Variants in CAPZA1 observed in about 807,000 individuals in gnomAD.
The protein encoded by CAPZA1 is F-actin-capping protein subunit alpha-1.
A neutral mutation model predicts 40.8 loss-of-function variants in CAPZA1; 10 were observed. The ratio of observed to expected loss-of-function variants is 0.25; its 90% confidence interval spans 0.15 to 0.42. The LOEUF (loss-of-function observed/expected upper bound fraction) is 0.42. Among genes scored for constraint, CAPZA1 ranks in the 10% least tolerant of loss-of-function variants. The probability of loss-of-function intolerance (pLI) is 1.00; values close to 1 mark genes in which losing one functional copy is unlikely to be tolerated. For missense variants in CAPZA1, 277 were observed against 353.8 expected, an observed-to-expected ratio of 0.78 and a Z score of 1.74; for synonymous variants, 98 against 115.0, an observed-to-expected ratio of 0.85 and a Z score of 0.95.
chr1:112,634,683 TA>T (rs1209134677), intron 1 of CAPZA1: 1 of 152,226 alleles, frequency 6.6e-6, no homozygotes, highest in African/African-American at 2.4e-5. Flanking sequence ...TTGTCTCATT[TA>T]ATCTTTACAA....
At chr1:112,638,063 G>C (rs542731107) in intron 1 of CAPZA1, among the ~76,000 whole-genome samples, 1 of 152,110 alleles carries the variant, frequency 6.6e-6, no homozygotes, top group African/African-American at 2.4e-5. Context: ...AAATAAAGCA[G>C]TAAAAGGGCT....
At chr1:112,626,482 C>T (rs1570699388) in intron 1 of CAPZA1, among the ~76,000 whole-genome samples, 3 of 151,666 alleles carry the variant, frequency 2.0e-5, no homozygotes, top group East Asian at 3.9e-4. Context: ...AGTAAAAAGT[C>T]GCCTCCTGCC....
intron 1 of CAPZA1, among the ~76,000 whole-genome samples, chr1:112,622,040 C>T (rs557810776): frequency 6.6e-6 from 1 of 152,212 alleles, no homozygotes; most frequent in African/African-American, 2.4e-5. Flanking sequence ...GGATTACAGG[C>T]GTGAGCCACC....
In CAPZA1 at chr1:112,619,835, A is replaced by G. The variant is rs762276655; in HGVS notation, c.-10A>G. 2 of 1,612,424 alleles carry G rather than the reference A, an allele frequency of 1.2e-6. No homozygotes were observed. The highest frequency in any genetic ancestry group is 1.3e-5 in the African/African-American group (1 of 74,954). ...GCGCCCGTAGCCGGGCTGGGCCAGA[A>G]CAGCCCAAGATGGCCGACTTCGATG... is the stretch of plus-strand genomic sequence containing the variant. On this transcript the variant is annotated 5_prime_UTR_variant, in exon 1 of 10. Transcript: ENST00000263168.
At chr1:112,653,221 A>G (rs1042330503) in intron 3 of CAPZA1, among the ~76,000 whole-genome samples, 2 of 152,150 alleles carry the variant, frequency 1.3e-5, no homozygotes, top group Non-Finnish European at 2.9e-5. Context: ...AGTCCCAGCT[A>G]CTCAGGAAAC....
At chr1:112,649,049 AT>A (rs971532717) in intron 2 of CAPZA1, among the ~76,000 whole-genome samples, 1 of 152,104 alleles carries the variant, frequency 6.6e-6, no homozygotes, top group African/African-American at 2.4e-5. Context: ...AAGGTTAAGA[AT>A]TTCACTCTTA....
At chr1:112,653,433 A>T (rs1671437197) in intron 3 of CAPZA1, among the ~76,000 whole-genome samples, 165 bp from the exon 4 acceptor site, 1 of 152,206 alleles carries the variant, frequency 6.6e-6, no homozygotes, top group Admixed American at 6.5e-5. Flanking sequence ...GCTGGAAGGC[A>T]TTATGTTAAC....
chr1:112,664,132 T>C (rs1671675081), intron 7 of CAPZA1, among the ~76,000 whole-genome samples: 1 of 149,556 alleles, frequency 6.7e-6, no homozygotes, highest in Non-Finnish European at 1.5e-5. Flanking sequence ...CGTGGGAGGC[T>C]GAGGCAGGAG....
chr1:112,623,290 T>G (rs1347803782), intron 1 of CAPZA1, among the ~76,000 whole-genome samples: 1 of 152,228 alleles, frequency 6.6e-6, no homozygotes, highest in Non-Finnish European at 1.5e-5. Flanking sequence ...GGTGTGGCTG[T>G]TTTCTAACAA....
intron 2 of CAPZA1, among the ~76,000 whole-genome samples, chr1:112,648,172 T>C (rs948932608): frequency 6.6e-6 from 1 of 152,118 alleles, no homozygotes; most frequent in Non-Finnish European, 1.5e-5. Flanking sequence ...CATAAACATT[T>C]GCTTCAGGGA....
rs67876993 is a variant in CAPZA1, at chr1:112,660,838, CTT to C, written c.585+1083_585+1084del. 7.1e-3 allele frequency among the ~76,000 whole-genome samples: 470 copies of C among 66,008 alleles called. 1 individual carries two copies. The highest frequency in any genetic ancestry group is 0.025 in the African/African-American group (363 of 14,698). The allele number at this position is 66,008 out of a possible 152,430, so 43.3% of individuals were successfully genotyped here. On this transcript the variant is annotated intron_variant, in intron 7 of 9. Transcript: ENST00000263168. ...TTTAACAACAATTACCAAGAGTTGT[CTT>C]TTTTTTTTTTTTTTTTTTTTTTTGA...
chr1:112,645,319 A>T (rs1479703119), intron 1 of CAPZA1, among the ~76,000 whole-genome samples: 1 of 152,220 alleles, frequency 6.6e-6, no homozygotes, highest in East Asian at 1.9e-4. Context: ...AATCAGTAGA[A>T]CAAGACTTTA....
At chr1:112,654,201 A>T (rs1261840265) in intron 4 of CAPZA1, among the ~76,000 whole-genome samples, 1 of 152,226 alleles carries the variant, frequency 6.6e-6, no homozygotes, top group African/African-American at 2.4e-5. Flanking sequence ...CTATGTATAA[A>T]GTACATATAT....
chr1:112,664,082 AT>A (rs1455913975), intron 7 of CAPZA1, among the ~76,000 whole-genome samples: 1 of 151,996 alleles, frequency 6.6e-6, no homozygotes, highest in Admixed American at 6.5e-5. Context: ...AAATACAAAA[AT>A]TAGCTGGCCA....
intron 1 of CAPZA1, among the ~76,000 whole-genome samples, chr1:112,629,574 A>G (rs1670880469): frequency 6.6e-6 from 1 of 152,182 alleles, no homozygotes; most frequent in Non-Finnish European, 1.5e-5. Context: ...GTTAACTCTC[A>G]TAGGGCAGTC....
At chr1:112,669,480 A>G (rs1474617249) in intron 8 of CAPZA1, 63 bp from the exon 9 acceptor site, 1 of 1,117,386 alleles carries the variant, frequency 8.9e-7, no homozygotes, top group Non-Finnish European at 1.4e-6. Context: ...ACTTACTTTC[A>G]GGATCTTACT....
chr1:112,623,898 C>A (rs1425241495), intron 1 of CAPZA1, among the ~76,000 whole-genome samples: 4 of 146,720 alleles, frequency 2.7e-5, no homozygotes, highest in African/African-American at 1.0e-4. Context: ...CCCAGCTAAT[C>A]GGGAGGCTGA....
At chr1:112,640,300 G>A (rs1487268077) in intron 1 of CAPZA1, among the ~76,000 whole-genome samples, 1,411 of 100,326 alleles carry the variant, frequency 0.014, no homozygotes, top group Admixed American at 0.039. Flanking sequence ...CAGCCGCCCC[G>A]TCCGGGAGGG....
intron 7 of CAPZA1, among the ~76,000 whole-genome samples, chr1:112,664,472 T>A (rs1163281957): frequency 2.6e-5 from 4 of 152,188 alleles, no homozygotes; most frequent in African/African-American, 9.6e-5. Flanking sequence ...GTATTACATA[T>A]GTTGGATAGC....
Sources: gnomAD v4.1 joint callset for allele counts (sites outside exome capture counted in the v4.1 genomes callset) on GRCh38, gnomAD v4.1.1 for gene constraint, MANE v1.5 for transcripts, NCBI Gene and HGNC (gene_info 2026-07-23, HGNC 2026-07-21) for gene names.